Variants in TENM2 observed in about 807,000 individuals in gnomAD.
TENM2 encodes the protein teneurin-2.
TENM2 carries 52 observed loss-of-function variants against 245.2 expected under a neutral mutation model. The ratio of observed to expected loss-of-function variants is 0.21; its 90% CI spans 0.17 to 0.27. The LOEUF is 0.27. Ranked by LOEUF, TENM2 falls within the 10% of genes least tolerant of loss-of-function variation. The probability of loss-of-function intolerance (pLI) is 1.00; values close to 1 mark genes in which losing one functional copy is unlikely to be tolerated. For synonymous variants in TENM2, 1,363 were observed against 1,438.9 expected, an observed-to-expected ratio of 0.95 and a Z score of 1.19; for missense variants, 3,046 against 3,666.8, an observed-to-expected ratio of 0.83 and a Z score of 4.37.
the TENM2 span, among the ~76,000 whole-genome samples, chr5:167,122,909 A>G: frequency 1.3e-5 from 2 of 152,192 alleles, no homozygotes; most frequent in Non-Finnish European, 2.9e-5. Flanking sequence ...ACAAATTGAT[A>G]TTGATGTGGA....
intron 12 of TENM2, among the ~76,000 whole-genome samples, chr5:168,145,844 C>T (rs1182954804): frequency 2.0e-5 from 3 of 147,926 alleles, no homozygotes; most frequent in South Asian, 4.5e-4. Flanking sequence ...TTTGTATCCT[C>T]TTTTATTTCC....
At chr5:167,435,975 C>CTTTT (rs71591181) in intron 2 of TENM2, among the ~76,000 whole-genome samples, 12 of 83,168 alleles carry the variant, frequency 1.4e-4, no homozygotes, top group Non-Finnish European at 2.2e-4. Context: ...CTTTTTTTTT[C>CTTTT]TTTTTTTTTT....
chr5:167,056,110 T>A, the TENM2 span, among the ~76,000 whole-genome samples: 12 of 152,158 alleles, frequency 7.9e-5, no homozygotes, highest in East Asian at 1.4e-3. Context: ...GAGATTTTTT[T>A]ATTATAATTG....
intron 2 of TENM2, among the ~76,000 whole-genome samples, chr5:167,509,747 A>C (rs911083238): frequency 6.6e-6 from 1 of 152,156 alleles, no homozygotes; most frequent in African/African-American, 2.4e-5. Context: ...TGCCTCACAT[A>C]ATTTTAACAA....
intron 1 of TENM2, among the ~76,000 whole-genome samples, chr5:167,345,420 A>G (rs576818766): frequency 6.4e-4 from 97 of 152,360 alleles, no homozygotes; most frequent in African/African-American, 2.3e-3. Context: ...TTACGCACCC[A>G]GGGCGTTGAA....
At chr5:167,051,770 G>C in the TENM2 span, among the ~76,000 whole-genome samples, 1 of 152,034 alleles carries the variant, frequency 6.6e-6, no homozygotes, top group Non-Finnish European at 1.5e-5. Context: ...ATTCAAGTAG[G>C]ATATTCTCAA....
intron 4 of TENM2, among the ~76,000 whole-genome samples, chr5:167,975,374 G>C (rs769639098): frequency 4.9e-4 from 75 of 152,036 alleles, no homozygotes; most frequent in Non-Finnish European, 1.6e-4. Flanking sequence ...GATGCTGCAG[G>C]GTCTGCCTTA....
chr5:167,401,568 C>T (rs939759017), intron 2 of TENM2, among the ~76,000 whole-genome samples: 3 of 152,146 alleles, frequency 2.0e-5, no homozygotes, highest in Non-Finnish European at 4.4e-5. Flanking sequence ...TGTAGTGCCT[C>T]TGCAAGCTTA....
intron 2 of TENM2, among the ~76,000 whole-genome samples, chr5:167,545,971 A>G (rs1772537702): frequency 6.6e-6 from 1 of 152,236 alleles, no homozygotes; most frequent in Non-Finnish European, 1.5e-5. Flanking sequence ...GCAAATAATA[A>G]CATAGTTCTT....
chr5:167,992,543 C>T (rs775976038), intron 4 of TENM2, among the ~76,000 whole-genome samples: 7 of 152,076 alleles, frequency 4.6e-5, no homozygotes, highest in African/African-American at 7.2e-5. Flanking sequence ...GCCAGTGACA[C>T]GAGTATACCT....
chr5:167,350,678 G>GAT (rs368336473), intron 1 of TENM2, among the ~76,000 whole-genome samples: 4 of 35,474 alleles, frequency 1.1e-4, no homozygotes, highest in Admixed American at 4.1e-4. Context: ...TACATATATG[G>GAT]ATATATATAT....
At chr5:167,147,156 T>G in the TENM2 span, among the ~76,000 whole-genome samples, 23 of 152,214 alleles carry the variant, frequency 1.5e-4, no homozygotes, top group Non-Finnish European at 2.8e-4. Flanking sequence ...GTCTTTGAAC[T>G]AGGCATAGTG....
At chr5:167,012,305 T>G in the TENM2 span, among the ~76,000 whole-genome samples, 1 of 152,198 alleles carries the variant, frequency 6.6e-6, no homozygotes, top group Non-Finnish European at 1.5e-5. Context: ...CTGGAACATT[T>G]CAGGCATGCC....
intron 2 of TENM2, among the ~76,000 whole-genome samples, chr5:167,844,660 A>T (rs1043323697): frequency 2.6e-5 from 4 of 152,150 alleles, no homozygotes; most frequent in Admixed American, 2.0e-4. Flanking sequence ...AATATAGCAA[A>T]TTACTTGGTG....
At chr5:167,062,334 G>A in the TENM2 span, among the ~76,000 whole-genome samples, 2 of 152,116 alleles carry the variant, frequency 1.3e-5, no homozygotes, top group African/African-American at 2.4e-5. Context: ...TGGGTTAAAG[G>A]TAGGTTGGGT....
At position 168,247,952 on chromosome 5, in the gene TENM2, A is replaced by T; in HGVS notation, c.7013A>T (p.His2338Leu). The T allele has an allele frequency of 3.1e-6, 5 of 1,613,408 alleles. No individual in the cohort carries two copies. Among genetic ancestry groups the T allele is most frequent in the Non-Finnish European group, 4.2e-6 (5 of 1,179,778 alleles). Residue 2338 changes from histidine (H) to leucine (L), a missense_variant, in exon 27 of 29, where the codon CAC becomes CTC. By Grantham distance (99) the His-to-Leu change is moderately conservative. This residue lies in a region of TENM2 where 2,704 missense variants were observed against 3,331.9 expected (regional missense o/e 0.81). Transcript: ENST00000518659. The surrounding 1 kb of genome is among the most constrained non-coding windows in gnomAD (Gnocchi z 7.8). ...ACGCGCATCACCCATGTCTACAATC[A>T]CTCCAACTCGGAGATTACCTCACTG...
intron 19 of TENM2, among the ~76,000 whole-genome samples, chr5:168,205,027 T>A (rs1762245896): frequency 1.3e-5 from 2 of 152,238 alleles, no homozygotes; most frequent in Non-Finnish European, 2.9e-5. Context: ...TTCACTAGGA[T>A]AGCACTTCCT....
chr5:167,775,082 G>A (rs1689809334), intron 2 of TENM2, among the ~76,000 whole-genome samples: 1 of 152,134 alleles, frequency 6.6e-6, no homozygotes, highest in Admixed American at 6.5e-5. Flanking sequence ...CAGTTCTCCT[G>A]ACTCAGCCTC....
intron 2 of TENM2, among the ~76,000 whole-genome samples, chr5:167,393,014 C>T (rs929187303): frequency 4.6e-5 from 7 of 151,368 alleles, no homozygotes; most frequent in Admixed American, 1.3e-4. Context: ...CCCAGCTACT[C>T]GGGAGGCTGA....
Sources: gnomAD v4.1 joint callset for allele counts (sites outside exome capture counted in the v4.1 genomes callset) on GRCh38, gnomAD v4.1.1 for gene constraint, gnomAD v4.1.1 regional missense constraint, Gnocchi (gnomAD v3.1) non-coding constraint, MANE v1.5 for transcripts, NCBI Gene and HGNC (gene_info 2026-07-23, HGNC 2026-07-21) for gene names.